The following CACNG7 variants were observed in gnomAD, a reference collection of about 807,000 sequenced individuals.
The protein encoded by CACNG7 is calcium voltage-gated channel auxiliary subunit gamma 7.
In CACNG7, 9 loss-of-function variants were observed where a neutral mutation model predicts 26.3. The ratio of observed to expected loss-of-function variants is 0.34; its 90% CI spans 0.21 to 0.60. CACNG7 has a LOEUF of 0.60. Ranked by LOEUF, CACNG7 falls within the 20% of genes least tolerant of loss-of-function variation. The pLI, the probability that CACNG7 is intolerant of heterozygous loss-of-function variation, is 0.81. For missense variants in CACNG7, 297 were observed against 380.4 expected, an observed-to-expected ratio of 0.78 and a Z score of 1.82; for synonymous variants, 170 against 157.0, an observed-to-expected ratio of 1.08 and a Z score of -0.62.
rs751783811 is a variant in CACNG7, at chr19:53,942,337, C to G, written c.*44C>G. ...CCCCCTGCCTCCTCCTCCTCCTCGT[C>G]TTAGGGGGGTCTCCCTGCAATGCAG... On this transcript the variant is annotated 3_prime_UTR_variant, in exon 6 of 6. Coordinates refer to ENST00000391767, the MANE Select transcript of CACNG7 (RefSeq NM_031896.5). The surrounding 1 kb of genome is among the most constrained non-coding windows in gnomAD (Gnocchi z 5.9). 7.5e-6 allele frequency: 11 copies of G among 1,462,224 alleles called. No individual in the cohort carries two copies. The Admixed American group carries it at 1.1e-4, about 14-fold the overall frequency. 90.6% of individuals were successfully genotyped at this position (1,462,224 alleles called of 1,614,324 possible).
intron 4 of CACNG7, among the ~76,000 whole-genome samples, chr19:53,925,145 T>C (rs1464147631): frequency 9.7e-6 from 1 of 103,254 alleles, no homozygotes; most frequent in Admixed American, 8.9e-5. Flanking sequence ...GGGCTGGTCA[T>C]TGGTGGACTT....
chr19:53,919,470 G>A (rs2068921547), intron 4 of CACNG7, among the ~76,000 whole-genome samples: 3 of 150,404 alleles, frequency 2.0e-5, no homozygotes, highest in Admixed American at 2.0e-4. Flanking sequence ...GGTCATTGGT[G>A]GACTTGCCCC....
Position 53,919,091 on chromosome 19 carries a change from T to A in CACNG7, c.424+3586T>A, listed in dbSNP as rs565050259. On this transcript the variant is annotated intron_variant, in intron 4 of 5. Coordinates refer to ENST00000391767, the MANE Select transcript of CACNG7 (RefSeq NM_031896.5). ...TGCCCTTATTTTGATTTTTTAATTT[T>A]TCTCCCCTTCTGGCCAAATTTCAAA... is the stretch of plus-strand genomic sequence containing the variant. 2.6e-5 allele frequency among the ~76,000 whole-genome samples: 4 copies of A among 152,298 alleles called. No individual in the cohort carries two copies. The East Asian group carries it at 7.7e-4, about 29-fold the overall frequency.
chr19:53,914,458 A>T (rs1172305365), intron 2 of CACNG7, 42 bp from the exon 3 acceptor site: 4 of 1,574,190 alleles, frequency 2.5e-6, no homozygotes, highest in African/African-American at 1.4e-5. Flanking sequence ...TCTAGAGCTT[A>T]GGAGCCTCTC....
chr19:53,914,425 G>C, intron 2 of CACNG7, 75 bp from the exon 3 acceptor site: 2 of 1,289,268 alleles, frequency 1.6e-6, no homozygotes, highest in Non-Finnish European at 2.2e-6. Context: ...CCCTCTATCT[G>C]TCCTGCCCCC....
chr19:53,914,789 G>A lies in CACNG7; in HGVS notation c.283+203G>A, dbSNP rs1178617570. The stretch of plus-strand genomic sequence containing the variant: ...GGCTGAGGTGGGTGGATCACCTGAG[G>A]TCAGGAGTTCGAAACCAGCCTGGCC... On this transcript the variant is annotated intron_variant, in intron 3 of 5. Coordinates refer to ENST00000391767, the MANE Select transcript of CACNG7 (RefSeq NM_031896.5). 3.3e-5 allele frequency among the ~76,000 whole-genome samples: 5 copies of A among 152,164 alleles called. No homozygotes were observed. In the South Asian group the frequency reaches 8.3e-4, roughly 25 times the overall value.
chr19:53,938,134 C>G (rs2069116729), intron 4 of CACNG7, among the ~76,000 whole-genome samples: 1 of 151,928 alleles, frequency 6.6e-6, no homozygotes, highest in Non-Finnish European at 1.5e-5. Context: ...ACTGCTTGAG[C>G]TCAGGAGTTC....
intron 1 of CACNG7, among the ~76,000 whole-genome samples, chr19:53,910,068 G>T (rs2068852941): frequency 6.6e-6 from 1 of 152,182 alleles, no homozygotes; most frequent in African/African-American, 2.4e-5. Flanking sequence ...GGGCGGGCCA[G>T]TGAGAGGGAG....
At chr19:53,914,142 C>T (rs1338610593) in intron 2 of CACNG7, among the ~76,000 whole-genome samples, 3 of 151,874 alleles carry the variant, frequency 2.0e-5, no homozygotes, top group Admixed American at 6.6e-5. Flanking sequence ...GGCATAGTGG[C>T]GCATGCCTGT....
chr19:53,916,176 A>G (rs1365376042), intron 4 of CACNG7, among the ~76,000 whole-genome samples: 1 of 151,938 alleles, frequency 6.6e-6, no homozygotes, highest in East Asian at 1.9e-4. Flanking sequence ...ACTACACTTC[A>G]CCCTACTTAC....
intron 4 of CACNG7, among the ~76,000 whole-genome samples, chr19:53,925,487 G>GGTCATTGGTGGACTTGCCCCAGGTCTA (rs2069021573): frequency 6.7e-6 from 1 of 150,002 alleles, no homozygotes; most frequent in African/African-American, 2.5e-5. Flanking sequence ...GCCCCAGGCT[G>GGTCATTGGTGGACTTGCCCCAGGTCTA]GTCATTGGTG....
At chr19:53,924,831 G>A (rs1490625783) in intron 4 of CACNG7, among the ~76,000 whole-genome samples, 1 of 145,000 alleles carries the variant, frequency 6.9e-6, no homozygotes, top group East Asian at 2.1e-4. Context: ...CTGGTCATTG[G>A]TGGAGTTGCC....
At position 53,939,235 on chromosome 19, in the gene CACNG7, G is replaced by A. The variant is rs183220253; in HGVS notation, c.425-2235G>A. Among the ~76,000 whole-genome samples the A allele has an allele frequency of 1.3e-5, 2 of 152,280 alleles. No individual in the cohort carries two copies. The highest frequency in any genetic ancestry group is 4.8e-5 in the African/African-American group (2 of 41,558). ...ATTGCACCACTACACTCCAGCCTAG[G>A]TGACAGAGCAAGAATCTGTCTCAAA... On this transcript the variant is annotated intron_variant, in intron 4 of 5. Transcript: ENST00000391767. This position sits in a 1 kb window ranked among gnomAD's most constrained non-coding sequence, Gnocchi z 4.2.
At chr19:53,913,079 T>C in intron 2 of CACNG7, 52 bp downstream of exon 2, 2 of 1,522,576 alleles carry the variant, frequency 1.3e-6, no homozygotes, top group Non-Finnish European at 9.0e-7. Context: ...GCCTGGGGTC[T>C]GAGAGTCTTA....
chr19:53,927,940 G>A (rs961467264), intron 4 of CACNG7, among the ~76,000 whole-genome samples: 3 of 152,068 alleles, frequency 2.0e-5, no homozygotes, highest in Admixed American at 2.0e-4. Flanking sequence ...CTCAAGTCAG[G>A]ATGGTTCTAT....
At chr19:53,938,900 A>G (rs1299977332) in intron 4 of CACNG7, among the ~76,000 whole-genome samples, 1 of 151,556 alleles carries the variant, frequency 6.6e-6, no homozygotes, top group East Asian at 2.0e-4. Context: ...GTGAGCCATG[A>G]TTGTCCCAGT....
At position 53,922,821 on chromosome 19, in the gene CACNG7, T is replaced by TGCCCCAG; in HGVS notation, c.424+7317_424+7318insCCCCAGG. On this transcript the variant is annotated intron_variant, in intron 4 of 5. Transcript: ENST00000391767. Reference sequence around the variant, plus strand: ...CCCCAGGTCTGGTCATTGGTGGAGTTGTCCCAGGTCTGGTCATTGGTGCAG... The same window carrying TGCCCCAG: ...CCCCAGGTCTGGTCATTGGTGGAGTTGCCCCAGGTCCCAGGTCTGGTCATTGGTGCAG... Among the ~76,000 whole-genome samples the TGCCCCAG allele has an allele frequency of 9.1e-5, 6 of 66,042 alleles. 1 individual carries two copies. The highest frequency in any genetic ancestry group is 1.6e-4 in the Non-Finnish European group (6 of 38,200). The allele number at this position is 66,042 out of a possible 152,430, so 43.3% of individuals were successfully genotyped here. A position where few individuals can be genotyped will look rare whatever the true frequency, so the allele number is the denominator to read the frequency against.
intron 4 of CACNG7, 46 bp from the exon 5 acceptor site, chr19:53,941,424 A>G: frequency 6.8e-7 from 1 of 1,476,308 alleles, no homozygotes; most frequent in Non-Finnish European, 8.9e-7. Flanking sequence ...GGCTGGGAAA[A>G]GGGGCCCACT....
chr19:53,926,777 G>A (rs1414365508), intron 4 of CACNG7, among the ~76,000 whole-genome samples: 1 of 151,986 alleles, frequency 6.6e-6, no homozygotes, highest in Non-Finnish European at 1.5e-5. Context: ...ACTGGGCATG[G>A]TGGTGGGCCC....
Sources: allele counts gnomAD v4.1 joint callset (sites outside exome capture counted in the v4.1 genomes callset), GRCh38; gene constraint gnomAD v4.1.1; non-coding constraint Gnocchi (gnomAD v3.1); transcripts MANE v1.5; gene names NCBI Gene and HGNC (gene_info 2026-07-23, HGNC 2026-07-21).